RGS6: variants seen among roughly 807,000 people sequenced by gnomAD.
RGS6 encodes the protein regulator of G protein signaling 6.
In RGS6, 30 loss-of-function variants were observed where a neutral mutation model predicts 78.5. The ratio of observed to expected loss-of-function variants is 0.38; its 90% CI spans 0.29 to 0.52. The LOEUF is 0.52. Among genes scored for constraint, RGS6 ranks in the 20% least tolerant of loss-of-function variants. The probability of loss-of-function intolerance (pLI) is 0.85; values close to 1 mark genes in which losing one functional copy is unlikely to be tolerated. For missense variants in RGS6, 495 were observed against 609.7 expected (o/e 0.81, Z 1.98); for synonymous variants, 206 against 206.0 (o/e 1.00, Z 0.00).
chr14:72,478,322 G>T lies in RGS6; in HGVS notation c.847G>T (p.Ala283Ser). Residue 283 changes from alanine to serine, a missense_variant, in exon 12 of 18, where the codon GCT becomes TCT. Coordinates refer to ENST00000553525, the MANE Select transcript of RGS6 (RefSeq NM_001204424.2). ...DRHCLKMSKV[A>S]ESLIAYTEQY... ...ACATTGTTTGAAAATGTCCAAAGTG[G>T]CTGAAAGGTATGTTTTCCTTTAATA... 6.2e-7 allele frequency: 1 copy of T among 1,606,244 alleles called. No homozygotes were observed. The highest frequency in any genetic ancestry group is 8.5e-7 in the Non-Finnish European group (1 of 1,173,262).
intron 2 of RGS6, among the ~76,000 whole-genome samples, chr14:72,022,219 A>G (rs1026178513): frequency 2.0e-5 from 3 of 152,084 alleles, no homozygotes; most frequent in Non-Finnish European, 4.4e-5. Context: ...TGCTATTGTG[A>G]AGAGTGCTGC....
intron 16 of RGS6, among the ~76,000 whole-genome samples, chr14:72,539,721 G>A (rs996855713): frequency 1.3e-5 from 2 of 152,172 alleles, no homozygotes; most frequent in Non-Finnish European, 2.9e-5. Context: ...CAAACCCACC[G>A]ACTGTGGTCC....
intron 3 of RGS6, among the ~76,000 whole-genome samples, chr14:72,386,592 G>A (rs2088136829): frequency 1.3e-5 from 2 of 152,100 alleles, no homozygotes; most frequent in African/African-American, 4.8e-5. Flanking sequence ...GGAAGCATTT[G>A]TACACAAATG....
At chr14:72,267,391 A>T (rs1025587868) in intron 2 of RGS6, among the ~76,000 whole-genome samples, 2 of 152,246 alleles carry the variant, frequency 1.3e-5, no homozygotes, top group Admixed American at 1.3e-4. Flanking sequence ...ATTCGTGTAC[A>T]TGGTAGCTGT....
At chr14:72,475,111 G>A (rs1054152879) in intron 10 of RGS6, among the ~76,000 whole-genome samples, 7 of 152,142 alleles carry the variant, frequency 4.6e-5, no homozygotes, top group African/African-American at 1.7e-4. Context: ...GTGGCAGGGA[G>A]GGGAGGAAAC....
chr14:72,244,634 G>A (rs2053758743), intron 2 of RGS6, among the ~76,000 whole-genome samples: 1 of 152,060 alleles, frequency 6.6e-6, no homozygotes, highest in African/African-American at 2.4e-5. Context: ...AAAAGAACGA[G>A]ACCTATTGCT....
chr14:72,477,572 A>T (rs576325597), intron 11 of RGS6, among the ~76,000 whole-genome samples: 2 of 152,158 alleles, frequency 1.3e-5, no homozygotes, highest in South Asian at 4.2e-4. Context: ...AGGCAGGTGG[A>T]TCATCTGAGG....
chr14:72,175,824 G>C (rs1174575630), intron 2 of RGS6, among the ~76,000 whole-genome samples: 4 of 152,140 alleles, frequency 2.6e-5, no homozygotes, highest in Non-Finnish European at 4.4e-5. Flanking sequence ...GGGAGGGAGA[G>C]AGAAAGGGAG....
At chr14:72,105,246 C>T (rs944076584) in intron 2 of RGS6, among the ~76,000 whole-genome samples, 2 of 152,156 alleles carry the variant, frequency 1.3e-5, no homozygotes, top group African/African-American at 4.8e-5. Flanking sequence ...GTGGTTTTGC[C>T]TCTAATAAAT....
At chr14:71,967,738 A>G (rs2093606635) in intron 2 of RGS6, among the ~76,000 whole-genome samples, 1 of 152,148 alleles carries the variant, frequency 6.6e-6, no homozygotes, top group Non-Finnish European at 1.5e-5. Context: ...GCTGACATTT[A>G]AAAAGCCAAA....
At chr14:72,462,194 C>G (rs181898821) in intron 6 of RGS6, among the ~76,000 whole-genome samples, 1 of 152,158 alleles carries the variant, frequency 6.6e-6, no homozygotes, top group Non-Finnish European at 1.5e-5. Context: ...AGCCTTTCCC[C>G]GCAAGCATTC....
chr14:72,456,384 T>C (rs2095631117), intron 4 of RGS6, among the ~76,000 whole-genome samples: 1 of 152,218 alleles, frequency 6.6e-6, no homozygotes, highest in Non-Finnish European at 1.5e-5. Context: ...TTGACCTCCC[T>C]GGCCCAAGCC....
intron 2 of RGS6, 106 bp from the exon 3 acceptor site, chr14:72,351,989 A>G (rs1457468765): frequency 7.9e-6 from 6 of 758,376 alleles, no homozygotes; most frequent in Non-Finnish European, 1.3e-5. Flanking sequence ...TTTTTGTGAT[A>G]TCTATTGTTG....
At chr14:72,415,603 G>A (rs1175644163) in intron 3 of RGS6, among the ~76,000 whole-genome samples, 3 of 152,168 alleles carry the variant, frequency 2.0e-5, no homozygotes, top group Non-Finnish European at 4.4e-5. Flanking sequence ...AGTTGGAAAT[G>A]CACAAATCAC....
chr14:72,071,320 A>G (rs929594271), intron 2 of RGS6, among the ~76,000 whole-genome samples: 4 of 152,070 alleles, frequency 2.6e-5, no homozygotes, highest in African/African-American at 9.7e-5. Flanking sequence ...ATTCTTTCCA[A>G]TTTTTGCTAT....
intron 3 of RGS6, among the ~76,000 whole-genome samples, chr14:72,444,219 T>C (rs929311683): frequency 6.6e-6 from 1 of 152,138 alleles, no homozygotes; most frequent in African/African-American, 2.4e-5. Context: ...GGGAACCCAT[T>C]TCAGACACCT....
chr14:71,921,656 A>G, the RGS6 span, among the ~76,000 whole-genome samples: 1 of 152,230 alleles, frequency 6.6e-6, no homozygotes, highest in African/African-American at 2.4e-5. Context: ...GATCTGAAAA[A>G]GTCAGACTCA....
intron 2 of RGS6, among the ~76,000 whole-genome samples, chr14:72,336,936 C>G (rs1184067131): frequency 6.6e-6 from 1 of 151,806 alleles, no homozygotes; most frequent in Non-Finnish European, 1.5e-5. Context: ...ATAAGGACAT[C>G]AGTCATTTTG....
intron 17 of RGS6, among the ~76,000 whole-genome samples, chr14:72,543,619 C>G (rs921648254): frequency 3.3e-5 from 5 of 152,226 alleles, no homozygotes; most frequent in Non-Finnish European, 5.9e-5. Context: ...GGTGCCTTCT[C>G]TCACTGAAGA....
Sources: gnomAD v4.1 joint callset for allele counts (sites outside exome capture counted in the v4.1 genomes callset) on GRCh38, gnomAD v4.1.1 for gene constraint, MANE v1.5 for transcripts, NCBI Gene and HGNC (gene_info 2026-07-23, HGNC 2026-07-21) for gene names.